Variants in ARHGEF12 observed in about 807,000 individuals in gnomAD.
ARHGEF12 encodes Rho guanine nucleotide exchange factor 12.
A neutral mutation model predicts 211.2 loss-of-function variants in ARHGEF12; 66 were observed. That is an observed-to-expected ratio of 0.31 (90% CI 0.26 to 0.38). ARHGEF12 has a LOEUF of 0.38. Ranked by LOEUF, ARHGEF12 falls within the 10% of genes least tolerant of loss-of-function variation. The pLI is 1.00. For synonymous variants in ARHGEF12, 592 were observed against 638.4 expected (o/e 0.93, Z 1.09); for missense variants, 1,429 against 1,869.5 (o/e 0.76, Z 4.34).
intron 1 of ARHGEF12, among the ~76,000 whole-genome samples, chr11:120,348,731 C>G (rs1942843624): frequency 6.6e-6 from 1 of 152,072 alleles, no homozygotes; most frequent in South Asian, 2.1e-4. Flanking sequence ...ATTCCAGCTA[C>G]TCGGGAGGCT....
At chr11:120,440,058 G>T in intron 12 of ARHGEF12, 71 bp from the exon 13 acceptor site, 1 of 1,072,982 alleles carries the variant, frequency 9.3e-7, no homozygotes, top group East Asian at 2.4e-5. Context: ...TTTTTGATGG[G>T]TTGGCTTTAT....
chr11:120,449,258 C>G, intron 21 of ARHGEF12, 44 bp downstream of exon 21: 1 of 1,467,652 alleles, frequency 6.8e-7, no homozygotes, highest in Middle Eastern at 1.7e-4. Flanking sequence ...ACTCCAGGCC[C>G]TCTTCACATC....
chr11:120,374,222 T>A (rs1943665616), intron 1 of ARHGEF12, among the ~76,000 whole-genome samples: 1 of 152,180 alleles, frequency 6.6e-6, no homozygotes, highest in African/African-American at 2.4e-5. Flanking sequence ...GTATAACCAT[T>A]GTTTAGTGTA....
Position 120,429,443 on chromosome 11 carries a change from G to A in ARHGEF12, c.589G>A (p.Glu197Lys). ...RITSPVLMGE[E>K]NNVVHNQKVE... ...TTTTTATCTTTTTCTTTTCTAGGAG[G>A]AAAACAATGTGGTTCATAACCAGAA... is the stretch of plus-strand genomic sequence containing the variant. The change falls in exon 9 of 41, where the codon GAA (glutamate) becomes AAA (lysine). Residue 197 changes from glutamate to lysine, a missense_variant. Physicochemically the swap from Glu to Lys is moderately conservative, Grantham distance 56 (BLOSUM62 1). Coordinates refer to ENST00000397843, the MANE Select transcript of ARHGEF12 (RefSeq NM_015313.3). 1 of 1,611,630 alleles carries A rather than the reference G, an allele frequency of 6.2e-7. No homozygotes were observed. Among genetic ancestry groups the A allele is most frequent in the Non-Finnish European group, 8.5e-7 (1 of 1,178,676 alleles).
chr11:120,361,313 G>A (rs1263672223), intron 1 of ARHGEF12, among the ~76,000 whole-genome samples: 1 of 152,136 alleles, frequency 6.6e-6, no homozygotes, highest in Non-Finnish European at 1.5e-5. Context: ...GTTGTGAACT[G>A]CACATGTGAG....
At chr11:120,440,626 C>A (rs1010233661) in intron 13 of ARHGEF12, among the ~76,000 whole-genome samples, 3 of 152,112 alleles carry the variant, frequency 2.0e-5, no homozygotes, top group African/African-American at 7.2e-5. Flanking sequence ...TTGGAGTTTT[C>A]TACATAGATA....
At chr11:120,378,191 CTT>C (rs1432511416) in intron 1 of ARHGEF12, among the ~76,000 whole-genome samples, 2 of 152,186 alleles carry the variant, frequency 1.3e-5, no homozygotes, top group Non-Finnish European at 2.9e-5. Context: ...TAGTATCAGT[CTT>C]TTTAATTTTA....
chr11:120,477,797 G>A (rs1434830111), intron 36 of ARHGEF12, among the ~76,000 whole-genome samples: 1 of 150,938 alleles, frequency 6.6e-6, no homozygotes, highest in African/African-American at 2.4e-5. Context: ...AACCCAGGAG[G>A]CGGAGGTTAC....
intron 11 of ARHGEF12, among the ~76,000 whole-genome samples, chr11:120,434,422 C>A (rs537428970): frequency 6.6e-6 from 1 of 152,174 alleles, no homozygotes; most frequent in South Asian, 2.1e-4. Flanking sequence ...ATCTTCTGAA[C>A]ACAGAACACA....
At chr11:120,483,258 C>CTTT (rs777120176) in intron 39 of ARHGEF12, among the ~76,000 whole-genome samples, 1,045 of 97,406 alleles carry the variant, frequency 0.011, 8 homozygotes, top group Non-Finnish European at 0.013. Flanking sequence ...CCATAATAAT[C>CTTT]TTTTTTTTTT....
intron 16 of ARHGEF12, among the ~76,000 whole-genome samples, chr11:120,446,138 C>T (rs567315272): frequency 9.5e-4 from 143 of 151,040 alleles, no homozygotes; most frequent in African/African-American, 3.3e-3. Flanking sequence ...GTGGAGCTTG[C>T]AGTGAGCTGA....
At chr11:120,455,952 T>A (rs938934657) in intron 22 of ARHGEF12, among the ~76,000 whole-genome samples, 9 of 152,236 alleles carry the variant, frequency 5.9e-5, no homozygotes, top group Non-Finnish European at 1.0e-4. Flanking sequence ...ATTGATGGTG[T>A]GTAAGAAAGA....
intron 1 of ARHGEF12, among the ~76,000 whole-genome samples, chr11:120,382,620 G>A (rs34189224): frequency 0.027 from 4,122 of 152,226 alleles, 97 homozygotes; most frequent in Non-Finnish European, 0.033. Flanking sequence ...TCTGATCAGC[G>A]GATGTAGTTT....
chr11:120,409,073 A>G (rs947803246), intron 3 of ARHGEF12: 21 of 284,740 alleles, frequency 7.4e-5, no homozygotes, highest in Admixed American at 9.6e-5. Flanking sequence ...GATGTATACA[A>G]TGCTTCATAA....
At chr11:120,448,440 T>C in intron 20 of ARHGEF12, 92 bp downstream of exon 20, 1 of 900,292 alleles carries the variant, frequency 1.1e-6, no homozygotes, top group East Asian at 2.6e-5. Flanking sequence ...ATTTACTTAA[T>C]CAGCAAATTA....
chr11:120,395,403 A>T (rs926047666), intron 1 of ARHGEF12, among the ~76,000 whole-genome samples: 4 of 152,182 alleles, frequency 2.6e-5, no homozygotes, highest in Non-Finnish European at 5.9e-5. Context: ...ACTGGAATGA[A>T]CCTGATGGAA....
chr11:120,340,529 A>G lies in ARHGEF12; in HGVS notation c.32+3254A>G, dbSNP rs147331864. ...TGAGTGTGGAAACCTGTGACTTTAT[A>G]TGCCTGTACCCAGTAATTAATGATA... On this transcript the variant is annotated intron_variant, in intron 1 of 40. Transcript: ENST00000397843. Among the ~76,000 whole-genome samples the G allele has an allele frequency of 5.0e-3, 763 of 152,334 alleles. 4 individuals are homozygous for G. Among genetic ancestry groups the G allele is most frequent in the Non-Finnish European group, 7.8e-3 (531 of 68,030 alleles).
intron 27 of ARHGEF12, among the ~76,000 whole-genome samples, chr11:120,461,495 A>G (rs1284947044): frequency 6.6e-6 from 1 of 152,136 alleles, no homozygotes; most frequent in African/African-American, 2.4e-5. Context: ...GAGTAGATTT[A>G]GCATTATTCT....
At chr11:120,458,373 A>G (rs1453164975) in intron 25 of ARHGEF12, 139 bp downstream of exon 25, 4 of 892,480 alleles carry the variant, frequency 4.5e-6, no homozygotes, top group Non-Finnish European at 6.7e-6. Flanking sequence ...AACTGGACAG[A>G]TAATCCTTGA....
Sources: gnomAD v4.1 joint callset for allele counts (sites outside exome capture counted in the v4.1 genomes callset) on GRCh38, gnomAD v4.1.1 for gene constraint, MANE v1.5 for transcripts, NCBI Gene and HGNC (gene_info 2026-07-23, HGNC 2026-07-21) for gene names.